The following ESPL1 variants were observed in gnomAD, a reference collection of about 807,000 sequenced individuals.
The protein encoded by ESPL1 is extra spindle pole bodies like 1, separase, also known as separin.
A neutral mutation model predicts 217.2 loss-of-function variants in ESPL1; 50 were observed. That is an observed-to-expected ratio of 0.23 (90% CI 0.18 to 0.29). The LOEUF (loss-of-function observed/expected upper bound fraction) is 0.29, where lower values mean the gene tolerates loss of function less well. Among genes scored for constraint, ESPL1 ranks in the 10% least tolerant of loss-of-function variants. The pLI, the probability that ESPL1 is intolerant of heterozygous loss-of-function variation, is 1.00. For missense variants in ESPL1, 1,834 were observed against 2,603.0 expected (o/e 0.70, Z 6.43); for synonymous variants, 994 against 1,081.3 (o/e 0.92, Z 1.58).
chr12:53,272,648 TCTG>T, intron 5 of ESPL1, 70 bp from the exon 6 acceptor site: 1 of 1,542,580 alleles, frequency 6.5e-7, no homozygotes, highest in Non-Finnish European at 8.8e-7. Context: ...CCAGCTGATC[TCTG>T]CTGCCTCTCC....
chr12:53,282,257 C>G lies in ESPL1; in HGVS notation c.2620-7C>G, dbSNP rs763388659. 5 of 1,613,694 alleles carry G rather than the reference C, an allele frequency of 3.1e-6. No individual in the cohort carries two copies. Among genetic ancestry groups the G allele is most frequent in the Non-Finnish European group, 4.2e-6 (5 of 1,179,714 alleles). On this transcript the variant is annotated splice_region_variant and splice_polypyrimidine_tract_variant and intron_variant, in intron 13 of 30. Coordinates refer to ENST00000257934, the MANE Select transcript of ESPL1 (RefSeq NM_012291.5). This position sits in a 1 kb window ranked among gnomAD's most constrained non-coding sequence, Gnocchi z 4.0. ...TACTGCCTCCTCTGGCTCCTTCTCT[C>G]CTTCAGGTGACCAAGGGTGTCTCTC...
intron 8 of ESPL1, 99 bp downstream of exon 8, chr12:53,276,958 C>G (rs908186354): frequency 5.1e-6 from 8 of 1,557,246 alleles, no homozygotes; most frequent in Non-Finnish European, 6.1e-6. Context: ...TGAGCTCTCC[C>G]TTCATCTTGT....
rs1944015131 is a variant in ESPL1 at position 53,289,490 on chromosome 12, T to C, written c.5009T>C (p.Leu1670Pro). Residue 1670 changes from leucine to proline, a missense_variant, in exon 22 of 31, where the codon CTG (leucine) becomes CCG (proline). Physicochemically the swap from Leu to Pro is moderately conservative, Grantham distance 98. Coordinates refer to ENST00000257934, the MANE Select transcript of ESPL1 (RefSeq NM_012291.5). ...CAGGAGATGCCTGGAGATGTCCCCC[T>C]GGCCCGCATCCAGCGCCTCTTTTCC... ...SLQEMPGDVP[L>P]ARIQRLFSFR... The C allele has an allele frequency of 6.2e-7, 1 of 1,614,002 alleles. No homozygotes were observed. The highest frequency in any genetic ancestry group is 1.3e-5 in the African/African-American group (1 of 74,944).
chr12:53,277,146 G>C lies in ESPL1; in HGVS notation c.2004G>C (p.Gln668His), dbSNP rs1943781178. 6.2e-7 allele frequency: 1 copy of C among 1,614,070 alleles called. No individual in the cohort carries two copies. The part of the protein sequence containing the change: ...QLLDSVRPEA[Q>H]ARDQLLDDKA... Reference sequence around the variant, plus strand: ...TGGACTCTGTGAGGCCTGAGGCCCAGGCCAGAGATCAGCTTCTGGACGATA... The same window carrying C: ...TGGACTCTGTGAGGCCTGAGGCCCACGCCAGAGATCAGCTTCTGGACGATA... Residue 668 changes from glutamine to histidine, a missense_variant, in exon 9 of 31, where the codon CAG becomes CAC. Physicochemically the swap from Gln to His is conservative, Grantham distance 24. Around this residue, in one of 5 missense-constraint regions of ESPL1, gnomAD observed 746 missense variants for 1,077.0 expected, o/e 0.69. Transcript: ENST00000257934.
At chr12:53,275,082 C>T (rs559401338) in intron 7 of ESPL1, 72 bp downstream of exon 7, 1 of 1,241,280 alleles carries the variant, frequency 8.1e-7, no homozygotes, top group East Asian at 2.7e-5. Context: ...GCGGGTGGAT[C>T]ACTTGAGGTC....
In ESPL1 at chr12:53,292,132, G is replaced by A; in HGVS notation, c.5796+44G>A. The A allele has an allele frequency of 1.3e-6, 2 of 1,525,178 alleles. No individual in the cohort carries two copies. The highest frequency in any genetic ancestry group is 1.8e-6 in the Non-Finnish European group (2 of 1,098,984). The allele number at this position is 1,525,178 out of a possible 1,614,324, so 94.5% of individuals were successfully genotyped here. A position where few individuals can be genotyped will look rare whatever the true frequency, so the allele number is the denominator to read the frequency against. Reference sequence around the variant, plus strand: ...TGTCTGGGGATGACTGGCGACTGGGGAAGACGTCAACAAAGAAGGGCAGAG... The same window carrying A: ...TGTCTGGGGATGACTGGCGACTGGGAAAGACGTCAACAAAGAAGGGCAGAG... On this transcript the variant is annotated intron_variant, in intron 27 of 30. Coordinates refer to ENST00000257934, the MANE Select transcript of ESPL1 (RefSeq NM_012291.5). The surrounding 1 kb of genome is among the most constrained non-coding windows in gnomAD (Gnocchi z 4.5).
rs1331984842 is a variant in ESPL1, at chr12:53,292,142, A to G, written c.5796+54A>G. 1.3e-6 allele frequency: 2 copies of G among 1,494,324 alleles called. No individual in the cohort carries two copies. Among genetic ancestry groups the G allele is most frequent in the Non-Finnish European group, 1.9e-6 (2 of 1,070,938 alleles). 92.6% of individuals were successfully genotyped at this position (1,494,324 alleles called of 1,614,324 possible). A position where few individuals can be genotyped will look rare whatever the true frequency, so the allele number is the denominator to read the frequency against. On this transcript the variant is annotated intron_variant, in intron 27 of 30. Transcript: ENST00000257934. This position sits in a 1 kb window ranked among gnomAD's most constrained non-coding sequence, Gnocchi z 4.5. ...TGACTGGCGACTGGGGAAGACGTCA[A>G]CAAAGAAGGGCAGAGAAACCTGAGA...
intron 12 of ESPL1, among the ~76,000 whole-genome samples, chr12:53,280,606 T>C (rs1943844952): frequency 6.6e-6 from 1 of 152,038 alleles, no homozygotes; most frequent in Non-Finnish European, 1.5e-5. Context: ...TGGGCTCAAG[T>C]GATCTCCCAC....
intron 6 of ESPL1, chr12:53,273,949 G>A (rs1346327146): frequency 7.2e-6 from 1 of 139,406 alleles, no homozygotes; most frequent in African/African-American, 2.7e-5. Flanking sequence ...TCCACCTCCT[G>A]GGTTCAAGCA....
rs1418814079 is a variant in ESPL1, at chr12:53,282,894, T to TCA, written c.2792-234_2792-233insAC. ...GTCTCAAACTCCTGACCTCGGGTGA[T>TCA]CCGTCTGCCTCAGCCTCCCAAAATG... On this transcript the variant is annotated intron_variant, in intron 14 of 30. Coordinates refer to ENST00000257934, the MANE Select transcript of ESPL1 (RefSeq NM_012291.5). This position sits in a 1 kb window ranked among gnomAD's most constrained non-coding sequence, Gnocchi z 4.0. Among the ~76,000 whole-genome samples, 2 of 152,228 alleles carry TCA rather than the reference T, an allele frequency of 1.3e-5. No individual in the cohort carries two copies. The highest frequency in any genetic ancestry group is 4.8e-5 in the African/African-American group (2 of 41,454).
intron 6 of ESPL1, 48 bp from the exon 7 acceptor site, chr12:53,274,769 C>G (rs1391007264): frequency 1.4e-6 from 2 of 1,480,136 alleles, no homozygotes; most frequent in Non-Finnish European, 1.9e-6. Flanking sequence ...CCACCATACA[C>G]ACTCACTGGT....
In ESPL1 at chr12:53,286,876, C is replaced by A. The variant is rs151232479; in HGVS notation, c.4140C>A (p.Ala1380=). The change falls in exon 18 of 31, where the codon GCC becomes GCA. Residue 1380 remains alanine, a synonymous_variant. Transcript: ENST00000257934. The surrounding 1 kb of genome is among the most constrained non-coding windows in gnomAD (Gnocchi z 5.3). ...AGAGCAAGCCTGAAGTACCCCAGGC[C>A]CCCAGGGTACAACAGAGAGTCCAGA... ...PTESKPEVPQ[A]PRVQQRVQTR... is the part of the protein sequence containing the mutation. 1.6e-5 allele frequency: 26 copies of A among 1,611,188 alleles called. No individual in the cohort carries two copies. The highest frequency in any genetic ancestry group is 5.0e-5 in the Admixed American group (3 of 59,554).
In ESPL1 at chr12:53,270,716, T is replaced by C. The variant is rs1406025607; in HGVS notation, c.1287T>C (p.Ser429=). Residue 429 remains serine, a synonymous_variant, in exon 5 of 31, where the codon AGT becomes AGC. Transcript: ENST00000257934. ...CTGACCTGACCCAACTAGTGGACAG[T>C]TGTAAATCTACCGTTGTCTGGATGC... is the stretch of plus-strand genomic sequence containing the variant. ...DLADLTQLVD[S]CKSTVVWMLE... 2 of 1,614,122 alleles carry C rather than the reference T, an allele frequency of 1.2e-6. No homozygotes were observed. Among genetic ancestry groups the C allele is most frequent in the South Asian group, 1.1e-5 (1 of 91,078 alleles).
At position 53,275,029 on chromosome 12, in the gene ESPL1, G is replaced by T; in HGVS notation, c.1700+19G>T. The T allele has an allele frequency of 1.3e-6, 2 of 1,501,300 alleles. No homozygotes were observed. Among genetic ancestry groups the T allele is most frequent in the East Asian group, 2.4e-5 (1 of 41,846 alleles). 93.0% of individuals were successfully genotyped at this position (1,501,300 alleles called of 1,614,324 possible). A position where few individuals can be genotyped will look rare whatever the true frequency, so the allele number is the denominator to read the frequency against. ...AGCTAAAGTGAGTTGAGGGCCAGACGCAGTGGCTCATGCTTGTAATCCCAG... is the reference window on the plus strand; with the variant it reads ...AGCTAAAGTGAGTTGAGGGCCAGACTCAGTGGCTCATGCTTGTAATCCCAG... On this transcript the variant is annotated intron_variant, in intron 7 of 30. Transcript: ENST00000257934.
Position 53,282,413 on chromosome 12 carries a change from G to C in ESPL1, c.2769G>C (p.Leu923=). 6.2e-7 allele frequency: 1 copy of C among 1,614,186 alleles called. No individual in the cohort carries two copies. Residue 923 remains leucine, a synonymous_variant, in exon 14 of 31, where the codon CTG becomes CTC. Transcript: ENST00000257934. The surrounding 1 kb of genome is among the most constrained non-coding windows in gnomAD (Gnocchi z 4.0). ...SLPSNNLSHS[L]WEQLCAQGWQ... ...CGTCAAACAACCTCTCACACTCCCT[G>C]TGGGAGCAGCTCTGTGCCCAAGGTG... is the stretch of plus-strand genomic sequence containing the variant.
chr12:53,292,593 G>T lies in ESPL1; in HGVS notation c.5932G>T (p.Val1978Leu), dbSNP rs1158889146. 5 of 1,612,432 alleles carry T rather than the reference G, an allele frequency of 3.1e-6. No individual in the cohort carries two copies. Among genetic ancestry groups the T allele is most frequent in the Non-Finnish European group, 4.2e-6 (5 of 1,179,966 alleles). Residue 1978 changes from valine (V) to leucine (L), a missense_variant, in exon 29 of 31, where the codon GTG becomes TTG. Val to Leu is a conservative substitution (Grantham distance 32). Around this residue, in one of 5 missense-constraint regions of ESPL1, gnomAD observed 295 missense variants for 519.8 expected, o/e 0.57. Coordinates refer to ENST00000257934, the MANE Select transcript of ESPL1 (RefSeq NM_012291.5). This position sits in a 1 kb window ranked among gnomAD's most constrained non-coding sequence, Gnocchi z 4.5. Reference protein sequence around the residue: ...NFSSEAGWRGVVGEVPRPEQV... With the variant: ...NFSSEAGWRGLVGEVPRPEQV... The stretch of plus-strand genomic sequence containing the variant: ...CTGCAGTGAAGCTGGCTGGAGAGGA[G>T]TGGTTGGGGAGGTGCCAAGACCTGA...
At chr12:53,281,716 C>T in intron 13 of ESPL1, 90 bp downstream of exon 13, 1 of 1,295,036 alleles carries the variant, frequency 7.7e-7, no homozygotes, top group Non-Finnish European at 1.1e-6. Context: ...TGAGATTTCC[C>T]TGGAGCTAGG....
chr12:53,287,171 C>T (rs35969387), intron 18 of ESPL1: 25,058 of 320,272 alleles, frequency 0.078, 1,303 homozygotes, highest in Non-Finnish European at 0.1. Flanking sequence ...CTCTTGGGTT[C>T]ACGCCATTCT....
At chr12:53,288,871 A>G in intron 20 of ESPL1, 172 bp downstream of exon 20, 1 of 721,536 alleles carries the variant, frequency 1.4e-6, no homozygotes, top group South Asian at 1.9e-5. Flanking sequence ...AACCTCTCCA[A>G]GCTTCTATTC....
Sources: allele counts gnomAD v4.1 joint callset (sites outside exome capture counted in the v4.1 genomes callset), GRCh38; gene constraint gnomAD v4.1.1; regional missense constraint gnomAD v4.1.1; non-coding constraint Gnocchi (gnomAD v3.1); transcripts MANE v1.5; gene names NCBI Gene and HGNC (gene_info 2026-07-23, HGNC 2026-07-21).